Variants in OGFOD3 observed in about 807,000 individuals in gnomAD.
OGFOD3 encodes the protein 2-oxoglutarate and iron-dependent oxygenase domain-containing protein 3.
In OGFOD3, 35 loss-of-function variants were observed where a neutral mutation model predicts 39.8. The observed-to-expected ratio is 0.88, with a 90% CI of 0.67 to 1.17. OGFOD3 has a LOEUF of 1.17. OGFOD3 is among the 50% of genes most tolerant of loss of function. OGFOD3 has a pLI of 0.00. For synonymous variants in OGFOD3, 200 were observed against 192.0 expected (o/e 1.04, Z -0.34); for missense variants, 438 against 454.5 (o/e 0.96, Z 0.33).
chr17:82,395,443 G>A (rs1205012889), intron 8 of OGFOD3, among the ~76,000 whole-genome samples: 2 of 152,238 alleles, frequency 1.3e-5, no homozygotes, highest in African/African-American at 2.4e-5. Context: ...CCTAAAGGTG[G>A]TCTTGGGAAC....
At position 82,392,431 on chromosome 17, in the gene OGFOD3, G is replaced by A. The variant is rs141740660; in HGVS notation, c.927C>T (p.Pro309=). Residue 309 remains proline, a synonymous_variant, in exon 9 of 9, where the codon CCC becomes CCT. Coordinates refer to ENST00000313056, the MANE Select transcript of OGFOD3 (RefSeq NM_024648.3). This position sits in a 1 kb window ranked among gnomAD's most constrained non-coding sequence, Gnocchi z 4.2. ...YAITIAFSCN[P]DHGIEDPAFP is the part of the protein sequence containing the mutation. ...ACGCTGGGTCCTCGATGCCATGGTCGGGGTTGCAGCTGAAGGCGATGGTGA... is the reference window on the plus strand; with the variant it reads ...ACGCTGGGTCCTCGATGCCATGGTCAGGGTTGCAGCTGAAGGCGATGGTGA... 4.2e-5 allele frequency: 68 copies of A among 1,612,550 alleles called. No homozygotes were observed. The African/African-American group carries it at 5.9e-4, about 14-fold the overall frequency.
chr17:82,417,562 T>C (rs2053082759), intron 1 of OGFOD3, among the ~76,000 whole-genome samples: 1 of 145,656 alleles, frequency 6.9e-6, no homozygotes, highest in Admixed American at 7.2e-5. Context: ...GAGGTTGCAA[T>C]GAGCCGAGAT....
At chr17:82,414,616 G>T (rs2053003290) in intron 2 of OGFOD3, among the ~76,000 whole-genome samples, 1 of 152,174 alleles carries the variant, frequency 6.6e-6, no homozygotes, top group African/African-American at 2.4e-5. Context: ...TGACTCCGAG[G>T]CGGTCCCGTC....
chr17:82,416,010 C>T (rs533776641), intron 1 of OGFOD3, among the ~76,000 whole-genome samples: 1 of 152,200 alleles, frequency 6.6e-6, no homozygotes, highest in East Asian at 1.9e-4. Context: ...GGGCAGATCA[C>T]CTGAGGTCAG....
chr17:82,407,694 C>T (rs1037150999), intron 4 of OGFOD3, among the ~76,000 whole-genome samples: 30 of 152,210 alleles, frequency 2.0e-4, no homozygotes, highest in Non-Finnish European at 3.5e-4. Flanking sequence ...AGCTTGGGCC[C>T]GCTGAACAGT....
At chr17:82,395,770 G>A (rs748134161) in intron 8 of OGFOD3, among the ~76,000 whole-genome samples, 16 of 152,216 alleles carry the variant, frequency 1.1e-4, no homozygotes, top group Admixed American at 5.2e-4. Flanking sequence ...GCAGTGAGCC[G>A]AGATCGCACC....
In OGFOD3 at chr17:82,414,644, T is replaced by C. The variant is rs529078054; in HGVS notation, c.304+754A>G. 3.0e-3 allele frequency among the ~76,000 whole-genome samples: 459 copies of C among 152,338 alleles called. 10 individuals are homozygous for C. The highest frequency in any genetic ancestry group is 3.8e-3 in the Non-Finnish European group (257 of 68,034). On this transcript the variant is annotated intron_variant, in intron 2 of 8. Coordinates refer to ENST00000313056, the MANE Select transcript of OGFOD3 (RefSeq NM_024648.3). The stretch of plus-strand genomic sequence containing the variant: ...GTCCCGTCCCTCCCTGCGGCGCGGC[T>C]GGGACCACGTTCACGTGCGTCACAA...
intron 2 of OGFOD3, among the ~76,000 whole-genome samples, chr17:82,414,535 TAGAG>T (rs955644230): frequency 5.9e-5 from 9 of 152,338 alleles, no homozygotes; most frequent in East Asian, 5.8e-4. Flanking sequence ...GCTGGGATGT[TAGAG>T]AGAGAACTTC....
At position 82,390,568 on chromosome 17, in the gene OGFOD3, G is replaced by T; in HGVS notation, c.*1830C>A. Reference sequence around the variant, plus strand: ...GAGCCTCAGGGTTCCTGCCCCATCTGCCCAGAGCCTGCAGCCCTGACCAAG... The same window carrying T: ...GAGCCTCAGGGTTCCTGCCCCATCTTCCCAGAGCCTGCAGCCCTGACCAAG... On this transcript the variant is annotated 3_prime_UTR_variant, in exon 9 of 9. Coordinates refer to ENST00000313056, the MANE Select transcript of OGFOD3 (RefSeq NM_024648.3). The surrounding 1 kb of genome is among the most constrained non-coding windows in gnomAD (Gnocchi z 4.9). The T allele has an allele frequency of 6.3e-6, 1 of 159,072 alleles. No homozygotes were observed. 9.9% of individuals were successfully genotyped at this position (159,072 alleles called of 1,614,324 possible). A position where few individuals can be genotyped will look rare whatever the true frequency, so the allele number is the denominator to read the frequency against.
At chr17:82,399,561 C>A (rs1191136696) in intron 7 of OGFOD3, among the ~76,000 whole-genome samples, 1 of 152,194 alleles carries the variant, frequency 6.6e-6, no homozygotes, top group South Asian at 2.1e-4. Flanking sequence ...GCCACCGCAC[C>A]GTCCTCTCCA....
intron 5 of OGFOD3, among the ~76,000 whole-genome samples, chr17:82,405,679 G>A (rs1272567346): frequency 6.6e-6 from 1 of 152,112 alleles, no homozygotes; most frequent in Non-Finnish European, 1.5e-5. Flanking sequence ...GCTGGGCATG[G>A]TGGTGCGTGC....
chr17:82,389,210 T>A lies in OGFOD3; in HGVS notation c.*3188A>T, dbSNP rs2052574666. 1 of 152,184 alleles carries A rather than the reference T, an allele frequency of 6.6e-6. No individual in the cohort carries two copies. Among genetic ancestry groups the A allele is most frequent in the African/African-American group, 2.4e-5 (1 of 41,446 alleles). The allele number at this position is 152,184 out of a possible 1,614,324, so 9.4% of individuals were successfully genotyped here. A position where few individuals can be genotyped will look rare whatever the true frequency, so the allele number is the denominator to read the frequency against. Reference sequence around the variant, plus strand: ...ACATCTCCCTTCCCGACAGCAGGACTCGCCCTCCTAGATTCTTTATTTTGA... The same window carrying A: ...ACATCTCCCTTCCCGACAGCAGGACACGCCCTCCTAGATTCTTTATTTTGA... On this transcript the variant is annotated 3_prime_UTR_variant, in exon 9 of 9. Coordinates refer to ENST00000313056, the MANE Select transcript of OGFOD3 (RefSeq NM_024648.3). This position sits in a 1 kb window ranked among gnomAD's most constrained non-coding sequence, Gnocchi z 4.6.
chr17:82,392,494 G>C lies in OGFOD3; in HGVS notation c.864C>G (p.His288Gln). The C allele has an allele frequency of 6.2e-7, 1 of 1,605,768 alleles. No individual in the cohort carries two copies. Among genetic ancestry groups the C allele is most frequent in the Non-Finnish European group, 8.5e-7 (1 of 1,176,616 alleles). ...SFFTSGSENL[H>Q]RVEKVHWGTR... Reference sequence around the variant, plus strand: ...TGCCCCAGTGGACCTTCTCCACGCGGTGTAGGTTCTCGGACCCCGAGGTGA... The same window carrying C: ...TGCCCCAGTGGACCTTCTCCACGCGCTGTAGGTTCTCGGACCCCGAGGTGA... The change falls in exon 9 of 9, where the codon CAC (histidine) becomes CAG (glutamine). Residue 288 changes from histidine (H) to glutamine (Q), a missense_variant. His to Gln is a conservative substitution (Grantham distance 24). Transcript: ENST00000313056. The surrounding 1 kb of genome is among the most constrained non-coding windows in gnomAD (Gnocchi z 4.2).
intron 8 of OGFOD3, among the ~76,000 whole-genome samples, chr17:82,396,325 T>G (rs56377300): frequency 2.0e-5 from 2 of 99,086 alleles, no homozygotes; most frequent in Non-Finnish European, 5.2e-5. Context: ...AAATCACAGG[T>G]AAACACATAG....
rs369794134 is a variant in OGFOD3, at chr17:82,414,863, G to C, written c.304+535C>G. Among the ~76,000 whole-genome samples, 24 of 152,326 alleles carry C rather than the reference G, an allele frequency of 1.6e-4. No homozygotes were observed. In the East Asian group the frequency reaches 1.7e-3, roughly 11 times the overall value. On this transcript the variant is annotated intron_variant, in intron 2 of 8. Transcript: ENST00000313056. ...GACAGGAGGCCTACAGGGGGTGTGC[G>C]GTGGCCGGCCCGGTCAGACCTGCTC...
chr17:82,405,083 GA>G (rs2143248573), intron 6 of OGFOD3, among the ~76,000 whole-genome samples: 1 of 152,342 alleles, frequency 6.6e-6, no homozygotes, highest in African/African-American at 2.4e-5. Flanking sequence ...TTACACAGCA[GA>G]AAACAAGAGG....
intron 8 of OGFOD3, among the ~76,000 whole-genome samples, chr17:82,395,648 C>T (rs1458507234): frequency 2.0e-5 from 3 of 152,040 alleles, no homozygotes; most frequent in Admixed American, 6.6e-5. Context: ...GGTGAAACCC[C>T]GTCTCTACTA....
chr17:82,412,215 C>A lies in OGFOD3; in HGVS notation c.305-685G>T, dbSNP rs1461184350. 4.6e-5 allele frequency among the ~76,000 whole-genome samples: 7 copies of A among 152,310 alleles called. No homozygotes were observed. The East Asian group carries it at 1.4e-3, about 29-fold the overall frequency. ...GCACATGCCCCTGTCTCTCCCCGTA[C>A]CTTGGTGACCTGCGGAGGCTGAGAG... On this transcript the variant is annotated intron_variant, in intron 2 of 8. Transcript: ENST00000313056.
chr17:82,404,476 G>C lies in OGFOD3; in HGVS notation c.546-386C>G, dbSNP rs536515537. Reference sequence around the variant, plus strand: ...GCTGTCCCCCAACGTGAGTGTGCGGGGTGTGTGGACGTGGGGAGAGGGGAG... The same window carrying C: ...GCTGTCCCCCAACGTGAGTGTGCGGCGTGTGTGGACGTGGGGAGAGGGGAG... On this transcript the variant is annotated intron_variant, in intron 6 of 8. Transcript: ENST00000313056. The surrounding 1 kb of genome is among the most constrained non-coding windows in gnomAD (Gnocchi z 4.5). 6.6e-6 allele frequency among the ~76,000 whole-genome samples: 1 copy of C among 152,308 alleles called. No individual in the cohort carries two copies. Among genetic ancestry groups the C allele is most frequent in the African/African-American group, 2.4e-5 (1 of 41,554 alleles).
Sources: allele counts gnomAD v4.1 joint callset (sites outside exome capture counted in the v4.1 genomes callset), GRCh38; gene constraint gnomAD v4.1.1; non-coding constraint Gnocchi (gnomAD v3.1); transcripts MANE v1.5; gene names NCBI Gene and HGNC (gene_info 2026-07-23, HGNC 2026-07-21).